Variants in NPSR1 observed in about 807,000 individuals in gnomAD.
NPSR1 encodes neuropeptide S receptor 1.
In NPSR1, 48 loss-of-function variants were observed where a neutral mutation model predicts 46.9. That is an observed-to-expected ratio of 1.02 (90% confidence interval 0.81 to 1.30). NPSR1 has a LOEUF of 1.30. Among genes scored for constraint, NPSR1 ranks in the 50% most tolerant of loss-of-function variants. The pLI, the probability that NPSR1 is intolerant of heterozygous loss-of-function variation, is 0.00. For missense variants in NPSR1, 450 were observed against 449.5 expected (o/e 1.00, Z -0.01); for synonymous variants, 176 against 168.1 (o/e 1.05, Z -0.36).
intron 7 of NPSR1, 87 bp from the exon 8 acceptor site, chr7:34,848,396 T>C (rs1790814871): frequency 1.8e-6 from 2 of 1,107,768 alleles, no homozygotes. Flanking sequence ...CCAAAGAACC[T>C]CTCAGGTAAA....
chr7:34,878,020 G>A, intron 8 of NPSR1: 2 of 978,620 alleles, frequency 2.0e-6, no homozygotes, highest in Non-Finnish European at 3.1e-6. Context: ...TTCCTTTTAT[G>A]CAAATAGGAA....
At chr7:34,866,412 C>T (rs1177950712) in intron 8 of NPSR1, among the ~76,000 whole-genome samples, 11 of 151,834 alleles carry the variant, frequency 7.2e-5, no homozygotes, top group East Asian at 1.9e-4. Context: ...GAGAGGATAG[C>T]GGAGGGACAG....
At chr7:34,752,646 G>A (rs1017288069) in intron 2 of NPSR1, among the ~76,000 whole-genome samples, 1 of 152,170 alleles carries the variant, frequency 6.6e-6, no homozygotes, top group Non-Finnish European at 1.5e-5. Context: ...ATGTTTGGGG[G>A]AAGGGGAATG....
In NPSR1 at chr7:34,687,858, C is replaced by T. The variant is rs1793016927; in HGVS notation, c.280+3174C>T. Among the ~76,000 whole-genome samples, 9 of 152,034 alleles carry T rather than the reference C, an allele frequency of 5.9e-5. 1 individual carries two copies. Among genetic ancestry groups the T allele is most frequent in the Admixed American group, 5.9e-4 (9 of 15,274 alleles). ...CAAAGACAATTAAGACTTGAGGGGC[C>T]AAGATTTCATAGAGCAGAAAATTTT... On this transcript the variant is annotated intron_variant, in intron 2 of 8. Coordinates refer to ENST00000360581, the MANE Select transcript of NPSR1 (RefSeq NM_207172.2).
At chr7:34,820,992 G>A (rs1053256296) in intron 4 of NPSR1, among the ~76,000 whole-genome samples, 6 of 152,198 alleles carry the variant, frequency 3.9e-5, no homozygotes, top group Non-Finnish European at 5.9e-5. Flanking sequence ...ACCTGAACCC[G>A]CACTGCCCAT....
intron 5 of NPSR1, 40 bp downstream of exon 5, chr7:34,827,642 G>GCC: frequency 1.7e-6 from 1 of 605,468 alleles, no homozygotes; most frequent in Non-Finnish European, 2.7e-6. Context: ...GGGGGGTGGG[G>GCC]CGGGGGGGGC....
At chr7:34,768,296 T>C (rs1370745505) in intron 2 of NPSR1, 2 of 152,070 alleles carry the variant, frequency 1.3e-5, no homozygotes, top group African/African-American at 4.8e-5. Flanking sequence ...AAAATGAAGA[T>C]ACAATAAGGA....
At chr7:34,793,346 A>C (rs1330927031) in intron 3 of NPSR1, among the ~76,000 whole-genome samples, 6 of 152,174 alleles carry the variant, frequency 3.9e-5, no homozygotes, top group African/African-American at 1.4e-4. Context: ...AAACTCAAAC[A>C]ACTCAATAGC....
At chr7:34,849,374 T>C in intron 8 of NPSR1, 191 bp from the exon 9 acceptor site, 1 of 1,552,356 alleles carries the variant, frequency 6.4e-7, no homozygotes, top group Non-Finnish European at 8.7e-7. Context: ...TCCTCTGGGC[T>C]CTGGTGCTGA....
At chr7:34,775,438 G>C (rs1224071134) in intron 2 of NPSR1, among the ~76,000 whole-genome samples, 2 of 152,074 alleles carry the variant, frequency 1.3e-5, no homozygotes, top group Non-Finnish European at 2.9e-5. Context: ...TAAATGTTTG[G>C]TATAATTCAG....
At chr7:34,683,797 T>G (rs1792782821) in intron 1 of NPSR1, among the ~76,000 whole-genome samples, 1 of 152,140 alleles carries the variant, frequency 6.6e-6, no homozygotes, top group Non-Finnish European at 1.5e-5. Context: ...GGGCACAGCC[T>G]TCATGACCTA....
At chr7:34,724,527 G>A (rs140983150) in intron 2 of NPSR1, among the ~76,000 whole-genome samples, 88 of 152,332 alleles carry the variant, frequency 5.8e-4, no homozygotes, top group African/African-American at 2.0e-3. Flanking sequence ...GAGGTGGGAC[G>A]CAGGAAGATG....
chr7:34,671,950 C>G (rs1792082780), intron 1 of NPSR1, among the ~76,000 whole-genome samples: 1 of 152,150 alleles, frequency 6.6e-6, no homozygotes, highest in Admixed American at 6.5e-5. Context: ...ACCTCCAGAA[C>G]AGAAAACAAA....
At chr7:34,798,841 T>G (rs1305107402) in intron 3 of NPSR1, among the ~76,000 whole-genome samples, 1 of 152,120 alleles carries the variant, frequency 6.6e-6, no homozygotes, top group African/African-American at 2.4e-5. Context: ...TTTCAAACTG[T>G]TTGGAGATTG....
chr7:34,711,731 A>C (rs1381162094), intron 2 of NPSR1, among the ~76,000 whole-genome samples: 2 of 152,224 alleles, frequency 1.3e-5, no homozygotes, highest in Non-Finnish European at 2.9e-5. Flanking sequence ...CTGCTCAAGA[A>C]ATGTTAGCTG....
chr7:34,750,662 G>GA (rs1785471459), intron 2 of NPSR1: 2 of 696,268 alleles, frequency 2.9e-6, no homozygotes, highest in Non-Finnish European at 2.7e-6. Flanking sequence ...GCCCATAACT[G>GA]ACAAAAAAGA....
intron 1 of NPSR1, among the ~76,000 whole-genome samples, chr7:34,661,348 G>A (rs1202359688): frequency 6.6e-6 from 1 of 152,142 alleles, no homozygotes; most frequent in Admixed American, 6.5e-5. Context: ...GGCACCATGA[G>A]CTGGTACCAA....
rs325476 is a variant in NPSR1 at position 34,787,131 on chromosome 7, G to A, written c.384+8566G>A. 8.4e-3 allele frequency among the ~76,000 whole-genome samples: 1,279 copies of A among 152,128 alleles called. 11 individuals carry two copies. Among genetic ancestry groups the A allele is most frequent in the African/African-American group, 0.029 (1,209 of 41,532 alleles). On this transcript the variant is annotated intron_variant, in intron 3 of 8. Coordinates refer to ENST00000360581, the MANE Select transcript of NPSR1 (RefSeq NM_207172.2). ...TGTTTGTTTCCACTGAAAAACTATC[G>A]TTTACTGTAGCCACCTTCATCAGTT...
chr7:34,763,709 C>T (rs1053161632), intron 2 of NPSR1, among the ~76,000 whole-genome samples: 1 of 152,106 alleles, frequency 6.6e-6, no homozygotes, highest in East Asian at 1.9e-4. Context: ...ACCAATGGAG[C>T]AGCATAAAGA....
Sources: allele counts gnomAD v4.1 joint callset (sites outside exome capture counted in the v4.1 genomes callset), GRCh38; gene constraint gnomAD v4.1.1; transcripts MANE v1.5; gene names NCBI Gene and HGNC (gene_info 2026-07-23, HGNC 2026-07-21).